Variants in PSMB6 observed in about 807,000 individuals in gnomAD.
PSMB6 encodes proteasome 20S subunit beta 6, also known as proteasome subunit beta type-6.
In PSMB6, 11 loss-of-function variants were observed where a neutral mutation model predicts 28.2. The observed-to-expected ratio is 0.39, with a 90% CI of 0.25 to 0.65. The LOEUF (loss-of-function observed/expected upper bound fraction) is 0.65, where lower values mean the gene tolerates loss of function less well. PSMB6 is among the 30% of genes least tolerant of loss of function. The probability of loss-of-function intolerance (pLI) is 0.48; values close to 1 mark genes in which losing one functional copy is unlikely to be tolerated. For missense variants in PSMB6, 268 were observed against 319.4 expected (o/e 0.84, Z 1.23); for synonymous variants, 126 against 117.7 (o/e 1.07, Z -0.45).
rs748598365 is a variant in PSMB6 at position 4,798,071 on chromosome 17, G to A, written c.495G>A (p.Gly165=). The part of the protein sequence containing the change: ...VRQSFAIGGS[G]SSYIYGYVDA... ...AGTCCTTTGCCATTGGAGGCTCCGG[G>A]AGCTCCTACATCTATGGCTATGTTG... Residue 165 remains glycine, a synonymous_variant, in exon 5 of 6, where the codon GGG becomes GGA. Coordinates refer to ENST00000270586, the MANE Select transcript of PSMB6 (RefSeq NM_002798.3). The A allele has an allele frequency of 6.2e-7, 1 of 1,614,120 alleles. No individual in the cohort carries two copies.
chr17:4,798,403 C>A lies in PSMB6; in HGVS notation c.701C>A (p.Ala234Asp), dbSNP rs374601335. ...GACCAGATACCCAAATTCGCCGTTG[C>A]CACTTTACCACCCGCCTGAATCCTG... is the stretch of plus-strand genomic sequence containing the variant. ...LGDQIPKFAV[A>D]TLPPA Residue 234 changes from alanine (A) to aspartate (D), a missense_variant, in exon 6 of 6, where the codon GCC (alanine) becomes GAC (aspartate). By Grantham distance (126) the Ala-to-Asp change is moderately radical. Transcript: ENST00000270586. The A allele has an allele frequency of 5.9e-5, 95 of 1,614,098 alleles. No individual in the cohort carries two copies. In the African/African-American group the frequency reaches 1.1e-3, roughly 18 times the overall value.
At position 4,796,718 on chromosome 17, in the gene PSMB6, CT is replaced by C; in HGVS notation, c.103-6del. On this transcript the variant is annotated splice_polypyrimidine_tract_variant and intron_variant, in intron 1 of 5. Coordinates refer to ENST00000270586, the MANE Select transcript of PSMB6 (RefSeq NM_002798.3). ...AGAATGTAGACTTACTCCTTTTTCC[CT>C]TTTCCCAGACCACTATCATGGCCGT... is the stretch of plus-strand genomic sequence containing the variant. The C allele has an allele frequency of 6.3e-7, 1 of 1,596,128 alleles. No homozygotes were observed. Among genetic ancestry groups the C allele is most frequent in the Non-Finnish European group, 8.6e-7 (1 of 1,163,796 alleles).
chr17:4,796,437 C>T, intron 1 of PSMB6, 141 bp downstream of exon 1: 1 of 771,786 alleles, frequency 1.3e-6, no homozygotes, highest in Non-Finnish European at 2.1e-6. Context: ...AGAGGTACCC[C>T]GAAGATGGTG....
Position 4,796,775 on chromosome 17 carries a change from G to A in PSMB6, c.150G>A (p.Ala50=), listed in dbSNP as rs763671890. ...VQFDGGVVLG[A]DSRTTTGSYI... The stretch of plus-strand genomic sequence containing the variant: ...TTGACGGGGGCGTGGTTCTGGGGGC[G>A]GACTCCAGAACAACCACTGGGTGAG... Residue 50 remains alanine, a synonymous_variant, in exon 2 of 6, where the codon GCG becomes GCA. Coordinates refer to ENST00000270586, the MANE Select transcript of PSMB6 (RefSeq NM_002798.3). The A allele has an allele frequency of 2.5e-6, 4 of 1,607,156 alleles. No homozygotes were observed. The South Asian group carries it at 3.3e-5, about 13-fold the overall frequency.
intron 4 of PSMB6, 45 bp from the exon 5 acceptor site, chr17:4,797,964 T>C (rs560994137): frequency 6.2e-7 from 1 of 1,612,244 alleles, no homozygotes; most frequent in South Asian, 1.1e-5. Context: ...GTACGTGTGT[T>C]GGAGGGAGGA....
chr17:4,797,392 T>C (rs1597310432), intron 2 of PSMB6, 46 bp from the exon 3 acceptor site: 2 of 1,519,716 alleles, frequency 1.3e-6, no homozygotes, highest in East Asian at 2.3e-5. Context: ...GGGATGGAGG[T>C]GGAAGACAGG....
Position 4,798,381 on chromosome 17 carries a change from C to G in PSMB6, c.679C>G (p.Gln227Glu). Reference protein sequence around the residue: ...GVERQVLLGDQIPKFAVATLP... With the variant: ...GVERQVLLGDEIPKFAVATLP... ...AGAGCGGCAAGTACTTTTGGGAGAC[C>G]AGATACCCAAATTCGCCGTTGCCAC... The change falls in exon 6 of 6, where the codon CAG (glutamine) becomes GAG (glutamate). Residue 227 changes from glutamine (Q) to glutamate (E), a missense_variant. Physicochemically the swap from Gln to Glu is conservative, Grantham distance 29. Coordinates refer to ENST00000270586, the MANE Select transcript of PSMB6 (RefSeq NM_002798.3). 1.2e-6 allele frequency: 2 copies of G among 1,614,198 alleles called. No homozygotes were observed. Among genetic ancestry groups the G allele is most frequent in the Non-Finnish European group, 1.7e-6 (2 of 1,180,040 alleles).
In PSMB6 at chr17:4,797,709, C is replaced by T. The variant is rs751400336; in HGVS notation, c.330C>T (p.Val110=). The change falls in exon 4 of 6, where the codon GTC becomes GTT. Residue 110 remains valine (V), a synonymous_variant. Transcript: ENST00000270586. ...HSIELNEPPL[V]HTAASLFKEM... ...TTGAACTGAATGAGCCTCCACTGGT[C>T]CACACAGCAGCCAGCCTCTTTAAGG... is the stretch of plus-strand genomic sequence containing the variant. 3 of 1,613,994 alleles carry T rather than the reference C, an allele frequency of 1.9e-6. No individual in the cohort carries two copies. The African/African-American group carries it at 4.0e-5, about 22-fold the overall frequency.
At chr17:4,796,634 G>A (rs750813980) in intron 1 of PSMB6, 94 bp from the exon 2 acceptor site, 9 of 1,202,316 alleles carry the variant, frequency 7.5e-6, no homozygotes, top group Non-Finnish European at 1.1e-5. Flanking sequence ...GTTCAGCGAC[G>A]GACAGATTTT....
chr17:4,797,221 T>C, intron 2 of PSMB6: 1 of 550,444 alleles, frequency 1.8e-6, no homozygotes, highest in Non-Finnish European at 3.1e-6. Context: ...AGGCTAGGGC[T>C]AGAGAATCGC....
At chr17:4,797,312 C>T (rs1391749170) in intron 2 of PSMB6, 126 bp from the exon 3 acceptor site, 1 of 1,248,312 alleles carries the variant, frequency 8.0e-7, no homozygotes, top group African/African-American at 1.5e-5. Flanking sequence ...GAGACTCCAT[C>T]TCAAAGAAAA....
At position 4,798,297 on chromosome 17, in the gene PSMB6, G is replaced by GA; in HGVS notation, c.596dup (p.Arg200AlafsTer?). On this transcript the variant is annotated frameshift_variant, in exon 6 of 6. Coordinates refer to ENST00000270586, the MANE Select transcript of PSMB6 (RefSeq NM_002798.3). LOFTEE classifies it high-confidence loss of function. Reference sequence around the variant, plus strand: ...ATCCACAGCTCTCGCTTTGGCCATGGAGCGGGATGGCTCCAGTGGAGGAGT... The same window carrying GA: ...ATCCACAGCTCTCGCTTTGGCCATGGAAGCGGGATGGCTCCAGTGGAGGAGT... The GA allele has an allele frequency of 6.2e-7, 1 of 1,614,196 alleles. No homozygotes were observed.
In PSMB6 at chr17:4,797,424, C is replaced by G. The variant is rs1289216848; in HGVS notation, c.171-14C>G. On this transcript the variant is annotated splice_polypyrimidine_tract_variant and intron_variant, in intron 2 of 5. Coordinates refer to ENST00000270586, the MANE Select transcript of PSMB6 (RefSeq NM_002798.3). ...CAGGTGGGCTCCTTTCCTCACTATT[C>G]TGCCATCCTGCAGGTCCTACATCGC... 9.7e-6 allele frequency: 15 copies of G among 1,541,748 alleles called. No homozygotes were observed. The highest frequency in any genetic ancestry group is 1.3e-5 in the Non-Finnish European group (15 of 1,141,766).
rs143024256 is a variant in PSMB6 at position 4,797,558 on chromosome 17, C to T, written c.291C>T (p.Leu97=). The T allele has an allele frequency of 9.4e-6, 15 of 1,598,524 alleles. No homozygotes were observed. The East Asian group carries it at 1.6e-4, about 17-fold the overall frequency. The change falls in exon 3 of 6, where the codon CTC becomes CTT. Residue 97 remains leucine, a synonymous_variant. Transcript: ENST00000270586. ...QAVADAVTYQ[L]GFHSIELNEP... ...TAGCTGATGCTGTCACCTACCAGCT[C>T]GGTTTCCACAGGTGCTTGTGGGCAG...
chr17:4,796,404 T>C, intron 1 of PSMB6, 108 bp downstream of exon 1: 1 of 918,114 alleles, frequency 1.1e-6, no homozygotes, highest in Non-Finnish European at 1.7e-6. Context: ...GGAGGTGGAA[T>C]GTGTTGTGCT....
chr17:4,798,336 G>A lies in PSMB6; in HGVS notation c.634G>A (p.Ala212Thr), dbSNP rs757483744. Residue 212 changes from alanine to threonine, a missense_variant, in exon 6 of 6, where the codon GCC becomes ACC. Ala to Thr is a moderately conservative substitution (Grantham distance 58). Transcript: ENST00000270586. The stretch of plus-strand genomic sequence containing the variant: ...CAGTGGAGGAGTGATCCGCCTGGCA[G>A]CCATTGCAGAGTCAGGGGTAGAGCG... ...GSSGGVIRLA[A>T]IAESGVERQV... 38 of 1,614,250 alleles carry A rather than the reference G, an allele frequency of 2.4e-5. No homozygotes were observed. In the South Asian group the frequency reaches 2.7e-4, roughly 12 times the overall value.
chr17:4,798,057 A>G lies in PSMB6; in HGVS notation c.481A>G (p.Ile161Val), dbSNP rs758048137. ...GGMMVRQSFA[I>V]GGSGSSYIYG... Reference sequence around the variant, plus strand: ...TATGATGGTAAGGCAGTCCTTTGCCATTGGAGGCTCCGGGAGCTCCTACAT... The same window carrying G: ...TATGATGGTAAGGCAGTCCTTTGCCGTTGGAGGCTCCGGGAGCTCCTACAT... The change falls in exon 5 of 6, where the codon ATT becomes GTT. Residue 161 changes from isoleucine to valine, a missense_variant. By Grantham distance (29) the Ile-to-Val change is conservative (BLOSUM62 3). Transcript: ENST00000270586. The G allele has an allele frequency of 1.1e-5, 18 of 1,614,146 alleles. No individual in the cohort carries two copies. The South Asian group carries it at 1.9e-4, about 17-fold the overall frequency.
At chr17:4,797,935 G>A (rs1905390379) in intron 4 of PSMB6, 74 bp from the exon 5 acceptor site, 1 of 1,605,256 alleles carries the variant, frequency 6.2e-7, no homozygotes, top group Non-Finnish European at 8.5e-7. Context: ...CAGACCAATA[G>A]CAGAATGGAC....
Position 4,798,343 on chromosome 17 carries a change from C to T in PSMB6, c.641C>T (p.Ala214Val). The change falls in exon 6 of 6, where the codon GCA (alanine) becomes GTA (valine). Residue 214 changes from alanine to valine, a missense_variant. Coordinates refer to ENST00000270586, the MANE Select transcript of PSMB6 (RefSeq NM_002798.3). ...GGAGTGATCCGCCTGGCAGCCATTG[C>T]AGAGTCAGGGGTAGAGCGGCAAGTA... is the stretch of plus-strand genomic sequence containing the variant. ...SGGVIRLAAI[A>V]ESGVERQVLL... 6.2e-7 allele frequency: 1 copy of T among 1,614,248 alleles called. No individual in the cohort carries two copies.
Sources: allele counts gnomAD v4.1 joint callset, GRCh38; gene constraint gnomAD v4.1.1; transcripts MANE v1.5; gene names NCBI Gene and HGNC (gene_info 2026-07-23, HGNC 2026-07-21).